CLIC4: variants seen among roughly 807,000 people sequenced by gnomAD.
CLIC4 encodes chloride intracellular channel protein 4.
CLIC4 carries 13 observed loss-of-function variants against 24.6 expected under a neutral mutation model. The observed-to-expected ratio is 0.53, with a 90% CI of 0.34 to 0.84. The LOEUF is 0.84. Among genes scored for constraint, CLIC4 ranks in the 40% least tolerant of loss-of-function variants. The probability of loss-of-function intolerance (pLI) is 0.01; values close to 1 mark genes in which losing one functional copy is unlikely to be tolerated. For synonymous variants in CLIC4, 104 were observed against 111.3 expected (o/e 0.93, Z 0.41); for missense variants, 227 against 301.7 (o/e 0.75, Z 1.83).
chr1:24,822,635 C>T (rs751561196), intron 3 of CLIC4, among the ~76,000 whole-genome samples: 3 of 152,042 alleles, frequency 2.0e-5, no homozygotes, highest in Non-Finnish European at 4.4e-5. Flanking sequence ...CAGTGCCTGC[C>T]CTTACTTAAT....
At chr1:24,816,913 A>G (rs1169698011) in intron 3 of CLIC4, among the ~76,000 whole-genome samples, 2 of 152,244 alleles carry the variant, frequency 1.3e-5, no homozygotes, top group African/African-American at 4.8e-5. Flanking sequence ...TTCCATTTAT[A>G]GAGCATCTGT....
chr1:24,819,478 C>T (rs546788391), intron 3 of CLIC4, among the ~76,000 whole-genome samples: 5 of 150,262 alleles, frequency 3.3e-5, no homozygotes, highest in African/African-American at 1.2e-4. Flanking sequence ...ACTTTTGTTG[C>T]CCAGGCTGGA....
chr1:24,844,065 C>A lies in CLIC4; in HGVS notation c.*3128C>A, dbSNP rs1249060021. ...ATAAATAGTCAAGGTTTGGGCCACA[C>A]AAAGTATATTTTTATCATGGAAAAA... On this transcript the variant is annotated 3_prime_UTR_variant, in exon 6 of 6. Transcript: ENST00000374379. 6.6e-6 allele frequency: 1 copy of A among 152,484 alleles called. No individual in the cohort carries two copies. Among genetic ancestry groups the A allele is most frequent in the Non-Finnish European group, 1.5e-5 (1 of 67,984 alleles). 9.4% of individuals were successfully genotyped at this position (152,484 alleles called of 1,614,324 possible).
At chr1:24,809,265 T>G (rs1639588332) in intron 2 of CLIC4, among the ~76,000 whole-genome samples, 1 of 152,158 alleles carries the variant, frequency 6.6e-6, no homozygotes, top group South Asian at 2.1e-4. Flanking sequence ...TTTAAATTAA[T>G]GAGATAATTA....
intron 3 of CLIC4, among the ~76,000 whole-genome samples, chr1:24,820,213 T>A: frequency 7.2e-6 from 1 of 138,724 alleles, no homozygotes; most frequent in Non-Finnish European, 1.5e-5. Context: ...GCCTTCCAAA[T>A]AAGTGGGACC....
In CLIC4 at chr1:24,791,641, C is replaced by T. The variant is rs905984095; in HGVS notation, c.73-6101C>T. Among the ~76,000 whole-genome samples, 9 of 151,888 alleles carry T rather than the reference C, an allele frequency of 5.9e-5. No homozygotes were observed. The East Asian group carries it at 1.5e-3, about 26-fold the overall frequency. Reference sequence around the variant, plus strand: ...CTGTAATCTGGGCATTTTGGGAGGCCGAGGCGGGTGGATCACCTGAGGTCA... The same window carrying T: ...CTGTAATCTGGGCATTTTGGGAGGCTGAGGCGGGTGGATCACCTGAGGTCA... On this transcript the variant is annotated intron_variant, in intron 1 of 5. Transcript: ENST00000374379.
At chr1:24,820,794 T>C (rs1557812564) in intron 3 of CLIC4, among the ~76,000 whole-genome samples, 1 of 152,254 alleles carries the variant, frequency 6.6e-6, no homozygotes. Flanking sequence ...CAAGTATATA[T>C]AAGTTTTTAA....
At chr1:24,805,493 A>G (rs1318230802) in intron 2 of CLIC4, among the ~76,000 whole-genome samples, 5 of 152,174 alleles carry the variant, frequency 3.3e-5, no homozygotes, top group South Asian at 2.1e-4. Context: ...ATATGTTTAT[A>G]TAGTGTCCAG....
chr1:24,794,983 C>G (rs763649060), intron 1 of CLIC4, among the ~76,000 whole-genome samples: 4 of 151,974 alleles, frequency 2.6e-5, no homozygotes, highest in Admixed American at 2.6e-4. Flanking sequence ...TCAGCTTTGT[C>G]GAAAATCAGA....
At chr1:24,797,010 A>G (rs1288952327) in intron 1 of CLIC4, among the ~76,000 whole-genome samples, 2 of 148,820 alleles carry the variant, frequency 1.3e-5, no homozygotes, top group Non-Finnish European at 3.0e-5. Flanking sequence ...GCTGGAGTGC[A>G]TGGCACGATC....
At chr1:24,795,251 A>G (rs1439726663) in intron 1 of CLIC4, among the ~76,000 whole-genome samples, 2 of 152,182 alleles carry the variant, frequency 1.3e-5, no homozygotes, top group Admixed American at 6.5e-5. Context: ...GATTTGTACC[A>G]CTCTGATTTT....
At chr1:24,799,747 T>TGG (rs1352852996) in intron 2 of CLIC4, among the ~76,000 whole-genome samples, 1 of 88,940 alleles carries the variant, frequency 1.1e-5, no homozygotes, top group Non-Finnish European at 2.2e-5. Flanking sequence ...GGGAGGGAGG[T>TGG]GGGGGGGTCA....
chr1:24,811,505 C>T (rs1318070633), intron 2 of CLIC4, among the ~76,000 whole-genome samples: 1 of 152,034 alleles, frequency 6.6e-6, no homozygotes, highest in Admixed American at 6.6e-5. Flanking sequence ...CAGGGTCTCA[C>T]TCTGTTGCCC....
At chr1:24,801,036 T>G (rs867209694) in intron 2 of CLIC4, among the ~76,000 whole-genome samples, 1 of 145,386 alleles carries the variant, frequency 6.9e-6, no homozygotes, top group Non-Finnish European at 1.5e-5. Context: ...TCCCCCTCTG[T>G]GAGAAACACC....
chr1:24,774,053 A>G (rs1222518720), intron 1 of CLIC4, among the ~76,000 whole-genome samples: 2 of 152,076 alleles, frequency 1.3e-5, no homozygotes, highest in Non-Finnish European at 2.9e-5. Context: ...GCTCACTGCA[A>G]CCTCTGCCTC....
At chr1:24,765,413 T>C (rs1453908344) in intron 1 of CLIC4, among the ~76,000 whole-genome samples, 3 of 152,174 alleles carry the variant, frequency 2.0e-5, no homozygotes, top group Admixed American at 2.0e-4. Context: ...GATCACATGA[T>C]TGGGAAAAAG....
intron 1 of CLIC4, among the ~76,000 whole-genome samples, chr1:24,748,500 T>TTG (rs1491518798): frequency 3.8e-5 from 1 of 26,242 alleles, no homozygotes; most frequent in Non-Finnish European, 1.0e-4. Context: ...AGGTTTTTTG[T>TTG]TTTTTTTTTT....
At chr1:24,815,644 A>G (rs1639660764) in intron 3 of CLIC4, among the ~76,000 whole-genome samples, 1 of 152,220 alleles carries the variant, frequency 6.6e-6, no homozygotes, top group Non-Finnish European at 1.5e-5. Context: ...TGGCTGTGGC[A>G]ATTTCTTGAA....
intron 3 of CLIC4, among the ~76,000 whole-genome samples, chr1:24,820,062 A>AAGTATGT (rs1330793262): frequency 8.1e-5 from 2 of 24,740 alleles, no homozygotes; most frequent in African/African-American, 1.2e-4. Context: ...AAAAAAAAAA[A>AAGTATGT]GTATGTATAT....
Sources: gnomAD v4.1 joint callset for allele counts (sites outside exome capture counted in the v4.1 genomes callset) on GRCh38, gnomAD v4.1.1 for gene constraint, MANE v1.5 for transcripts, NCBI Gene and HGNC (gene_info 2026-07-23, HGNC 2026-07-21) for gene names.